The following RAPGEF4 variants were observed in gnomAD, a reference collection of about 807,000 sequenced individuals.
The protein encoded by RAPGEF4 is Rap guanine nucleotide exchange factor 4, also known as RAP guanine-nucleotide-exchange factor (GEF) 4.
A neutral mutation model predicts 147.9 loss-of-function variants in RAPGEF4; 66 were observed. The observed-to-expected ratio is 0.45, with a 90% CI of 0.37 to 0.55. RAPGEF4 has a LOEUF of 0.55. RAPGEF4 is among the 20% of genes least tolerant of loss of function. The pLI, the probability that RAPGEF4 is intolerant of heterozygous loss-of-function variation, is 0.00. For missense variants in RAPGEF4, 1,071 were observed against 1,257.3 expected (o/e 0.85, Z 2.24); for synonymous variants, 419 against 442.7 (o/e 0.95, Z 0.67).
chr2:172,799,456 G>T (rs978632959), intron 3 of RAPGEF4, among the ~76,000 whole-genome samples: 2 of 152,110 alleles, frequency 1.3e-5, no homozygotes, highest in South Asian at 2.1e-4. Flanking sequence ...CCTGCCTTTT[G>T]TCATCCTTTC....
At chr2:172,772,423 A>T (rs904310522) in intron 1 of RAPGEF4, among the ~76,000 whole-genome samples, 4 of 151,890 alleles carry the variant, frequency 2.6e-5, no homozygotes, top group Non-Finnish European at 5.9e-5. Context: ...GGCTCACTGC[A>T]GCCTCTGCCT....
chr2:172,743,859 C>A (rs566948473), intron 1 of RAPGEF4, among the ~76,000 whole-genome samples: 1 of 152,226 alleles, frequency 6.6e-6, no homozygotes, highest in Non-Finnish European at 1.5e-5. Flanking sequence ...GCCCCCAGTT[C>A]TGACTTTGTC....
At chr2:172,800,570 T>TAG (rs977161321) in intron 3 of RAPGEF4, among the ~76,000 whole-genome samples, 60 of 151,282 alleles carry the variant, frequency 4.0e-4, no homozygotes, top group African/African-American at 8.0e-4. Context: ...GAGATAGAGA[T>TAG]AGAGAGAGAG....
chr2:172,829,808 A>G (rs894400407), intron 4 of RAPGEF4, among the ~76,000 whole-genome samples: 1 of 149,228 alleles, frequency 6.7e-6, no homozygotes, highest in African/African-American at 2.4e-5. Flanking sequence ...TATATAATAT[A>G]ATAACTCATT....
intron 27 of RAPGEF4, among the ~76,000 whole-genome samples, chr2:173,035,862 G>A (rs903980036): frequency 1.3e-5 from 2 of 152,218 alleles, no homozygotes; most frequent in Non-Finnish European, 2.9e-5. Flanking sequence ...TTAAAGGGAA[G>A]TGTATCATCA....
chr2:172,746,864 C>T (rs141048676), intron 1 of RAPGEF4, among the ~76,000 whole-genome samples: 3,130 of 152,238 alleles, frequency 0.021, 115 homozygotes, highest in African/African-American at 0.071. Context: ...CTGCCCACCT[C>T]GGCCTCCCAA....
At chr2:172,948,669 T>C (rs1253195370) in intron 6 of RAPGEF4, among the ~76,000 whole-genome samples, 3 of 152,106 alleles carry the variant, frequency 2.0e-5, no homozygotes, top group Non-Finnish European at 4.4e-5. Flanking sequence ...TGGTTGGAGC[T>C]GGAGGCCATC....
chr2:172,989,112 A>G (rs1161854742), intron 14 of RAPGEF4, among the ~76,000 whole-genome samples: 1 of 152,226 alleles, frequency 6.6e-6, no homozygotes, highest in Non-Finnish European at 1.5e-5. Flanking sequence ...TTGACGATAA[A>G]TAGGAATTGC....
intron 9 of RAPGEF4, chr2:172,967,045 T>G: frequency 2.3e-6 from 1 of 438,334 alleles, no homozygotes; most frequent in Middle Eastern, 5.8e-4. Context: ...GCCGAGGAGA[T>G]GGGTGGGTCA....
chr2:172,742,950 C>T (rs2149422324), intron 1 of RAPGEF4, among the ~76,000 whole-genome samples: 1 of 152,290 alleles, frequency 6.6e-6, no homozygotes, highest in Middle Eastern at 3.4e-3. Flanking sequence ...TTGGAGTTCT[C>T]TCAAATGGAT....
intron 6 of RAPGEF4, among the ~76,000 whole-genome samples, chr2:172,943,131 C>T (rs150055020): frequency 7.9e-5 from 12 of 152,198 alleles, no homozygotes; most frequent in Non-Finnish European, 1.0e-4. Flanking sequence ...AAAACAAAAG[C>T]GTTTGGCATA....
chr2:172,980,103 AG>A (rs1312440260), intron 10 of RAPGEF4, among the ~76,000 whole-genome samples: 1 of 152,236 alleles, frequency 6.6e-6, no homozygotes, highest in Non-Finnish European at 1.5e-5. Flanking sequence ...AAAGTCCTGC[AG>A]GCATGAAAAA....
chr2:172,917,718 C>T (rs1684224629), intron 4 of RAPGEF4, 84 bp from the exon 5 acceptor site: 8 of 1,197,928 alleles, frequency 6.7e-6, no homozygotes, highest in African/African-American at 4.5e-5. Flanking sequence ...TGACACCCAG[C>T]ATTTCTGCTT....
intron 10 of RAPGEF4, 85 bp downstream of exon 10, chr2:172,967,529 T>C: frequency 7.1e-7 from 1 of 1,402,244 alleles, no homozygotes; most frequent in Non-Finnish European, 9.5e-7. Context: ...ACAAGGCTGC[T>C]CTCAAAAGCC....
Position 172,735,962 on chromosome 2 carries a change from A to G in RAPGEF4, c.-22A>G. 6.9e-7 allele frequency: 1 copy of G among 1,452,772 alleles called. No individual in the cohort carries two copies. Among genetic ancestry groups the G allele is most frequent in the Non-Finnish European group, 9.1e-7 (1 of 1,100,042 alleles). 90.0% of individuals were successfully genotyped at this position (1,452,772 alleles called of 1,614,324 possible). A position where few individuals can be genotyped will look rare whatever the true frequency, so the allele number is the denominator to read the frequency against. ...GCGCGGGAGGTCGCCGCAGCCAGGG[A>G]CACCGCGCGCCGCCGCTCAACATGG... is the stretch of plus-strand genomic sequence containing the variant. On this transcript the variant is annotated 5_prime_UTR_variant, in exon 1 of 31. Coordinates refer to ENST00000397081, the MANE Select transcript of RAPGEF4 (RefSeq NM_007023.4).
chr2:172,917,864 T>C lies in RAPGEF4; in HGVS notation c.507T>C (p.Ser169=). The C allele has an allele frequency of 1.2e-6, 2 of 1,613,370 alleles. No homozygotes were observed. Among genetic ancestry groups the C allele is most frequent in the Non-Finnish European group, 1.7e-6 (2 of 1,179,296 alleles). The change falls in exon 5 of 31, where the codon TCT becomes TCC. Residue 169 remains serine, a synonymous_variant. Transcript: ENST00000397081. ...APPYGVMETG[S]NNDRIPDKEN... Reference sequence around the variant, plus strand: ...CTTATGGTGTTATGGAAACGGGCTCTAACAATGACAGTAAGTGGAAAATGT... The same window carrying C: ...CTTATGGTGTTATGGAAACGGGCTCCAACAATGACAGTAAGTGGAAAATGT...
chr2:172,859,864 C>A (rs1462698858), intron 4 of RAPGEF4, among the ~76,000 whole-genome samples: 4 of 152,118 alleles, frequency 2.6e-5, no homozygotes, highest in African/African-American at 7.2e-5. Flanking sequence ...CTAAGACAGT[C>A]TTGCTGGACC....
At chr2:172,775,621 A>G (rs1684085557) in intron 1 of RAPGEF4, among the ~76,000 whole-genome samples, 1 of 152,186 alleles carries the variant, frequency 6.6e-6, no homozygotes, top group Admixed American at 6.5e-5. Context: ...AAAAAGAATG[A>G]AATTCAAGGC....
intron 1 of RAPGEF4, 22 bp from the exon 2 acceptor site, chr2:172,795,003 T>A: frequency 6.3e-7 from 1 of 1,588,362 alleles, no homozygotes; most frequent in African/African-American, 1.3e-5. Flanking sequence ...ACATAGCTTT[T>A]GTGCCTTTTC....
Sources: allele counts gnomAD v4.1 joint callset (sites outside exome capture counted in the v4.1 genomes callset), GRCh38; gene constraint gnomAD v4.1.1; transcripts MANE v1.5; gene names NCBI Gene and HGNC (gene_info 2026-07-23, HGNC 2026-07-21).